KAT6B: variants seen among roughly 807,000 people sequenced by gnomAD.
The protein encoded by KAT6B is histone acetyltransferase KAT6B.
Under a neutral mutation model 187.5 loss-of-function variants are expected in KAT6B, and 10 were observed. The observed-to-expected ratio is 0.05, with a 90% CI of 0.03 to 0.09. The LOEUF is 0.09. KAT6B is among the 10% of genes least tolerant of loss of function. KAT6B has a pLI of 1.00. For synonymous variants in KAT6B, 861 were observed against 926.8 expected, an observed-to-expected ratio of 0.93 and a Z score of 1.29; for missense variants, 1,952 against 2,558.9, an observed-to-expected ratio of 0.76 and a Z score of 5.12.
intron 3 of KAT6B, among the ~76,000 whole-genome samples, chr10:74,927,144 A>G (rs1463297845): frequency 6.6e-6 from 1 of 152,224 alleles, no homozygotes; most frequent in Non-Finnish European, 1.5e-5. Context: ...TGTTGATGTA[A>G]TGAACAGTTC....
intron 13 of KAT6B, among the ~76,000 whole-genome samples, chr10:74,995,167 C>T (rs1274845937): frequency 1.3e-5 from 2 of 152,172 alleles, no homozygotes; most frequent in African/African-American, 4.8e-5. Context: ...TAACTCATGC[C>T]ATTGTGAAAA....
Position 75,018,317 on chromosome 10 carries a change from C to T in KAT6B, c.2630-2265C>T, listed in dbSNP as rs548240397. On this transcript the variant is annotated intron_variant, in intron 13 of 17. Coordinates refer to ENST00000287239, the MANE Select transcript of KAT6B (RefSeq NM_012330.4). ...TGCTGCCACCTCCCCAGGACTCTTC[C>T]GTGACTATCAGTCATAGCCTGAAGT... is the stretch of plus-strand genomic sequence containing the variant. 3.3e-4 allele frequency among the ~76,000 whole-genome samples: 50 copies of T among 152,332 alleles called. 1 individual carries two copies. In the Middle Eastern group the frequency reaches 0.027, roughly 83 times the overall value.
chr10:74,976,252 G>A lies in KAT6B; in HGVS notation c.1915G>A (p.Val639Met), dbSNP rs1842153091. 6.2e-7 allele frequency: 1 copy of A among 1,614,104 alleles called. No individual in the cohort carries two copies. Among genetic ancestry groups the A allele is most frequent in the Non-Finnish European group, 8.5e-7 (1 of 1,180,002 alleles). Residue 639 changes from valine to methionine, a missense_variant, in exon 8 of 18, where the codon GTG becomes ATG. Transcript: ENST00000287239. ...HRMLGRLKYK[V>M]TPQMGTPSPG... ...GATGCTAGGCAGATTAAAATATAAA[G>A]TGACCCCTCAGATGGGGACCCCCTC...
In KAT6B at chr10:75,021,981, C is replaced by T. The variant is rs377321963; in HGVS notation, c.3122C>T (p.Ser1041Leu). The T allele has an allele frequency of 3.7e-5, 59 of 1,613,930 alleles. No individual in the cohort carries two copies. The highest frequency in any genetic ancestry group is 2.2e-4 in the South Asian group (20 of 91,078). Residue 1041 changes from serine to leucine, a missense_variant, in exon 16 of 18, where the codon TCG (serine) becomes TTG (leucine). By Grantham distance (145) the Ser-to-Leu change is moderately radical (BLOSUM62 -2). Transcript: ENST00000287239. Reference protein sequence around the residue: ...NSRQSPAKVQSKNKYLHSPES... With the variant: ...NSRQSPAKVQLKNKYLHSPES... ...AGGCAATCACCTGCAAAAGTACAAT[C>T]GAAAAATAAATATTTGCATTCCCCG...
At chr10:75,027,312 G>T (rs974203171) in intron 17 of KAT6B, among the ~76,000 whole-genome samples, 1 of 152,104 alleles carries the variant, frequency 6.6e-6, no homozygotes, top group Non-Finnish European at 1.5e-5. Flanking sequence ...TGTAATACTT[G>T]CAGGTAAGTT....
chr10:74,939,437 G>C (rs553160227), intron 3 of KAT6B, among the ~76,000 whole-genome samples: 1 of 152,130 alleles, frequency 6.6e-6, no homozygotes, highest in Non-Finnish European at 1.5e-5. Context: ...TGGAGTCTCT[G>C]TTGCCCAGGC....
chr10:74,998,869 A>C (rs753039548), intron 13 of KAT6B, among the ~76,000 whole-genome samples: 71 of 152,228 alleles, frequency 4.7e-4, no homozygotes, highest in Non-Finnish European at 7.5e-4. Flanking sequence ...TCAAGGCTTC[A>C]GTGAACTATG....
rs758233844 is a variant in KAT6B at position 75,028,440 on chromosome 10, GCTTT to G, written c.3665-46_3665-43del. 10 of 1,613,380 alleles carry G rather than the reference GCTTT, an allele frequency of 6.2e-6. No individual in the cohort carries two copies. In the East Asian group the frequency reaches 8.9e-5, roughly 14 times the overall value. ...ATGAATTCAAGTTGCCCATGGTTAT[GCTTT>G]CTAAGACTGTTTTTTTTCCTTCCCG... On this transcript the variant is annotated intron_variant, in intron 17 of 17. Transcript: ENST00000287239.
intron 11 of KAT6B, chr10:74,984,317 A>T (rs1458126561): frequency 2.0e-5 from 3 of 152,238 alleles, no homozygotes; most frequent in Non-Finnish European, 2.9e-5. Flanking sequence ...TCCCTTAAGA[A>T]AAGTGCTAGG....
chr10:74,842,575 C>T (rs1002917555), intron 2 of KAT6B, 25 bp from the exon 3 acceptor site: 7 of 583,098 alleles, frequency 1.2e-5, no homozygotes, highest in Admixed American at 9.7e-5. Flanking sequence ...TATTAAGAGA[C>T]TTTCCCCTCT....
chr10:74,959,623 C>T (rs1158970238), intron 3 of KAT6B, among the ~76,000 whole-genome samples: 1 of 152,122 alleles, frequency 6.6e-6, no homozygotes, highest in Non-Finnish European at 1.5e-5. Flanking sequence ...AACCCCATCT[C>T]TACTAAAATA....
chr10:74,841,400 T>C (rs1457894197), intron 2 of KAT6B, among the ~76,000 whole-genome samples: 1 of 152,156 alleles, frequency 6.6e-6, no homozygotes, highest in African/African-American at 2.4e-5. Context: ...ACTCCATCTC[T>C]ACTAAAAATA....
At position 74,967,952 on chromosome 10, in the gene KAT6B, T is replaced by C. The variant is rs370555772; in HGVS notation, c.731-1708T>C. Among the ~76,000 whole-genome samples the C allele has an allele frequency of 3.5e-4, 54 of 152,256 alleles. No individual in the cohort carries two copies. The East Asian group carries it at 6.2e-3, about 17-fold the overall frequency. On this transcript the variant is annotated intron_variant, in intron 4 of 17. Transcript: ENST00000287239. ...GTGAAATTGAGGTCATATGTGCCCATGATATATGCCTTACAGGAAGTAATA... is the reference window on the plus strand; with the variant it reads ...GTGAAATTGAGGTCATATGTGCCCACGATATATGCCTTACAGGAAGTAATA...
intron 3 of KAT6B, among the ~76,000 whole-genome samples, chr10:74,871,478 C>T (rs1202589492): frequency 3.3e-5 from 5 of 152,170 alleles, no homozygotes; most frequent in Non-Finnish European, 5.9e-5. Flanking sequence ...CAGGCGTGAG[C>T]CACCATGCCT....
At chr10:74,856,866 G>A (rs1254315043) in intron 3 of KAT6B, among the ~76,000 whole-genome samples, 8 of 151,990 alleles carry the variant, frequency 5.3e-5, no homozygotes, top group African/African-American at 1.2e-4. Flanking sequence ...ACACCACTGC[G>A]CTCCAGCCTG....
chr10:74,956,587 A>G (rs1840707038), intron 3 of KAT6B, among the ~76,000 whole-genome samples: 1 of 152,234 alleles, frequency 6.6e-6, no homozygotes, highest in Admixed American at 6.5e-5. Context: ...TAGCAAAGTA[A>G]GAAATGGGCT....
chr10:74,827,536 T>G (rs780035221), intron 1 of KAT6B, among the ~76,000 whole-genome samples: 24 of 151,626 alleles, frequency 1.6e-4, no homozygotes, highest in Non-Finnish European at 3.1e-4. Flanking sequence ...CGTGGAAGGA[T>G]GGGATGGTTG....
intron 1 of KAT6B, among the ~76,000 whole-genome samples, chr10:74,830,750 A>ATATATATATATATATATATATATG (rs1840723485): frequency 2.4e-4 from 5 of 20,724 alleles, no homozygotes; most frequent in Admixed American, 6.0e-4. Flanking sequence ...ATATATATAT[A>ATATATATATATATATATATATATG]TATATATATA....
chr10:74,854,690 T>C (rs925707539), intron 3 of KAT6B, among the ~76,000 whole-genome samples: 2 of 152,210 alleles, frequency 1.3e-5, no homozygotes, highest in African/African-American at 2.4e-5. Context: ...AGAAACCAGC[T>C]TTGTTCATAC....
Sources: gnomAD v4.1 joint callset for allele counts (sites outside exome capture counted in the v4.1 genomes callset) on GRCh38, gnomAD v4.1.1 for gene constraint, MANE v1.5 for transcripts, NCBI Gene and HGNC (gene_info 2026-07-23, HGNC 2026-07-21) for gene names.